Variants in TJP2 observed in about 807,000 individuals in gnomAD.
The protein encoded by TJP2 is Friedreich ataxia region gene X104 (tight junction protein ZO-2).
Under a neutral mutation model 133.1 loss-of-function variants are expected in TJP2, and 91 were observed. The observed-to-expected ratio is 0.68, with a 90% CI of 0.58 to 0.81. The LOEUF is 0.81. TJP2 is among the 40% of genes least tolerant of loss of function. The pLI, the probability that TJP2 is intolerant of heterozygous loss-of-function variation, is 0.00. For synonymous variants in TJP2, 592 were observed against 583.4 expected, an observed-to-expected ratio of 1.01 and a Z score of -0.21; for missense variants, 1,541 against 1,565.6, an observed-to-expected ratio of 0.98 and a Z score of 0.26.
chr9:69,247,924 C>T (rs1831039973), intron 18 of TJP2, 88 bp from the exon 19 acceptor site: 6 of 1,350,280 alleles, frequency 4.4e-6, no homozygotes, highest in African/African-American at 4.4e-5. Context: ...GTTTCAGTCG[C>T]TTGGCTGTGT....
At chr9:69,130,718 G>A (rs916206281) in intron 1 of TJP2, among the ~76,000 whole-genome samples, 1 of 152,132 alleles carries the variant, frequency 6.6e-6, no homozygotes, top group South Asian at 2.1e-4. Context: ...AAAGCAGGGC[G>A]CATAGACAAG....
chr9:69,220,894 A>C lies in TJP2; in HGVS notation c.350A>C (p.Lys117Thr). The C allele has an allele frequency of 6.2e-7, 1 of 1,612,306 alleles. No homozygotes were observed. Among genetic ancestry groups the C allele is most frequent in the Non-Finnish European group, 8.5e-7 (1 of 1,180,018 alleles). ...KSGKVAAIVVKRPRKVQVAAL... is the reference protein window; with the variant it reads ...KSGKVAAIVVTRPRKVQVAAL... ...AGTTTGTTTTGACAACAGGTGGTCA[A>C]GAGGCCCCGGAAGGTCCAGGTGGCC... Residue 117 changes from lysine (K) to threonine (T), a missense_variant, in exon 5 of 23, where the codon AAG (lysine) becomes ACG (threonine). By Grantham distance (78) the Lys-to-Thr change is moderately conservative. Transcript: ENST00000377245.
chr9:69,212,692 G>C lies in TJP2; in HGVS notation c.114+91G>C, dbSNP rs1828011413. The C allele has an allele frequency of 5.4e-6, 6 of 1,104,752 alleles. No individual in the cohort carries two copies. The East Asian group carries it at 1.2e-4, about 22-fold the overall frequency. The allele number at this position is 1,104,752 out of a possible 1,614,324, so 68.4% of individuals were successfully genotyped here. A position where few individuals can be genotyped will look rare whatever the true frequency, so the allele number is the denominator to read the frequency against. ...TTATTTTCACCTACACACAGTTTTGGCTTTTTTTTTCCCTTGAGGTACATA... is the reference window on the plus strand; with the variant it reads ...TTATTTTCACCTACACACAGTTTTGCCTTTTTTTTTCCCTTGAGGTACATA... On this transcript the variant is annotated intron_variant, in intron 2 of 22. Transcript: ENST00000377245.
intron 17 of TJP2, chr9:69,246,203 T>G (rs1414404351): frequency 5.0e-6 from 1 of 198,978 alleles, no homozygotes; most frequent in Non-Finnish European, 1.0e-5. Context: ...TCTGTGGATT[T>G]TGGTATCCAA....
upstream of TJP2, among the ~76,000 whole-genome samples, chr9:69,169,282 A>C (rs1180483290): frequency 6.6e-6 from 1 of 150,954 alleles, no homozygotes; most frequent in South Asian, 2.1e-4. Flanking sequence ...TTGTTAAAGG[A>C]GAGTTACGAT....
In TJP2 at chr9:69,140,398, G is replaced by A. The variant is rs143009578; in HGVS notation, c.-130-11253G>A. Among the ~76,000 whole-genome samples, 562 of 152,296 alleles carry A rather than the reference G, an allele frequency of 3.7e-3. 4 individuals are homozygous for A. The highest frequency in any genetic ancestry group is 0.013 in the African/African-American group (541 of 41,566). On this transcript the variant is annotated intron_variant, in intron 1 of 5. Coordinates refer to the TJP2 transcript ENST00000423935. ...TCTTCCAAAGCCACACAGCTAGTCA[G>A]TGATGGAGCTGGACTTCAATCTCAG...
chr9:69,212,928 T>A (rs1828033749), intron 2 of TJP2, among the ~76,000 whole-genome samples: 1 of 152,218 alleles, frequency 6.6e-6, no homozygotes, highest in Admixed American at 6.5e-5. Context: ...AGGGAGCTTT[T>A]TACAACTTCT....
At chr9:69,239,792 C>A in intron 16 of TJP2, 145 bp from the exon 17 acceptor site, 1 of 815,790 alleles carries the variant, frequency 1.2e-6, no homozygotes, top group Non-Finnish European at 2.0e-6. Context: ...CCAGCCTGGG[C>A]AACAGAGCAA....
chr9:69,152,930 C>T (rs1366996609), intron 2 of TJP2, among the ~76,000 whole-genome samples: 1 of 139,732 alleles, frequency 7.2e-6, no homozygotes, highest in Non-Finnish European at 1.5e-5. Context: ...CTCTGGAGCT[C>T]TTAAAGGTCC....
At chr9:69,162,277 C>T (rs1416462039) in intron 2 of TJP2, among the ~76,000 whole-genome samples, 1 of 150,826 alleles carries the variant, frequency 6.6e-6, no homozygotes, top group Non-Finnish European at 1.5e-5. Context: ...AAATTTATTT[C>T]ATTCCTCCAT....
At chr9:69,157,987 C>G (rs1398822684) in intron 2 of TJP2, among the ~76,000 whole-genome samples, 1 of 151,998 alleles carries the variant, frequency 6.6e-6, no homozygotes, top group Non-Finnish European at 1.5e-5. Flanking sequence ...TAAAAGAATT[C>G]AGAACCTAAG....
At chr9:69,180,402 C>T (rs1057069906) in intron 1 of TJP2, among the ~76,000 whole-genome samples, 1 of 152,186 alleles carries the variant, frequency 6.6e-6, no homozygotes, top group African/African-American at 2.4e-5. Flanking sequence ...TCTTCCAGGA[C>T]ATGTAGCTTC....
chr9:69,237,209 T>C (rs1485465972), intron 14 of TJP2, 73 bp downstream of exon 14: 3 of 1,563,266 alleles, frequency 1.9e-6, no homozygotes, highest in Non-Finnish European at 1.8e-6. Context: ...TTTCAGACTG[T>C]ATGGTCAAGT....
intron 1 of TJP2, among the ~76,000 whole-genome samples, chr9:69,203,820 G>A (rs1827189124): frequency 6.6e-6 from 1 of 151,652 alleles, no homozygotes; most frequent in Non-Finnish European, 1.5e-5. Context: ...CACCATGTTG[G>A]CCAGGCTGGT....
intron 1 of TJP2, chr9:69,145,850 A>G (rs1156965339): frequency 1.7e-6 from 2 of 1,202,586 alleles, no homozygotes; most frequent in Non-Finnish European, 1.0e-6. Context: ...GCTTCTCACT[A>G]TAGATGTAAA....
At chr9:69,182,276 G>GA (rs753278237) in intron 1 of TJP2, among the ~76,000 whole-genome samples, 1 of 152,198 alleles carries the variant, frequency 6.6e-6, no homozygotes, top group Non-Finnish European at 1.5e-5. Flanking sequence ...TTTAAGAGAG[G>GA]AGAGACATTG....
intron 1 of TJP2, among the ~76,000 whole-genome samples, chr9:69,189,633 C>T (rs1450150641): frequency 3.3e-5 from 2 of 61,128 alleles, no homozygotes; most frequent in Non-Finnish European, 6.8e-5. Context: ...GGAGACTCCA[C>T]TTTTTTTTTT....
At chr9:69,161,785 C>G (rs13283073) in intron 2 of TJP2, among the ~76,000 whole-genome samples, 63,379 of 149,426 alleles carry the variant, frequency 0.42, 13,716 homozygotes, top group East Asian at 0.63. Flanking sequence ...TGGTGGCTCA[C>G]GCCTGTAATC....
chr9:69,145,879 G>C, intron 1 of TJP2: 1 of 1,101,662 alleles, frequency 9.1e-7, no homozygotes, highest in East Asian at 3.2e-5. Flanking sequence ...GTCTGTTTTG[G>C]GGACCCATAT....
Sources: allele counts gnomAD v4.1 joint callset (sites outside exome capture counted in the v4.1 genomes callset), GRCh38; gene constraint gnomAD v4.1.1; transcripts MANE v1.5; gene names NCBI Gene and HGNC (gene_info 2026-07-23, HGNC 2026-07-21).